Variants in TUSC3 observed in about 807,000 individuals in gnomAD.
TUSC3 encodes the protein tumor suppressor candidate 3.
A neutral mutation model predicts 44.8 loss-of-function variants in TUSC3; 45 were observed. The observed-to-expected ratio is 1.00, with a 90% CI of 0.79 to 1.29. The LOEUF is 1.29. Among genes scored for constraint, TUSC3 ranks in the 50% most tolerant of loss-of-function variants. The probability of loss-of-function intolerance (pLI) is 0.00; values close to 1 mark genes in which losing one functional copy is unlikely to be tolerated. For missense variants in TUSC3, 519 were observed against 437.9 expected (o/e 1.19, Z -1.65); for synonymous variants, 212 against 152.9 (o/e 1.39, Z -2.85).
intron 5 of TUSC3, 26 bp from the exon 6 acceptor site, chr8:15,673,721 T>A: frequency 6.4e-7 from 1 of 1,565,740 alleles, no homozygotes. Context: ...GGTTTACATA[T>A]TGAAACACTG....
intron 1 of TUSC3, among the ~76,000 whole-genome samples, chr8:15,483,072 C>T (rs1246747945): frequency 6.6e-6 from 1 of 152,072 alleles, no homozygotes; most frequent in Non-Finnish European, 1.5e-5. Flanking sequence ...AAATATTCCT[C>T]TATTCATACA....
At chr8:15,814,285 A>G in the TUSC3 span, among the ~76,000 whole-genome samples, 2 of 152,150 alleles carry the variant, frequency 1.3e-5, no homozygotes, top group Admixed American at 6.5e-5. Flanking sequence ...AACAGTAACA[A>G]TATCTTTTTT....
chr8:15,746,791 G>A (rs982939105), intron 8 of TUSC3, among the ~76,000 whole-genome samples: 9 of 152,088 alleles, frequency 5.9e-5, no homozygotes, highest in African/African-American at 1.9e-4. Context: ...TAGATAAAAT[G>A]ACAGATTTGG....
At chr8:15,468,044 G>A (rs1030165489) in intron 1 of TUSC3, among the ~76,000 whole-genome samples, 20 of 152,168 alleles carry the variant, frequency 1.3e-4, no homozygotes, top group African/African-American at 4.8e-4. Flanking sequence ...ATACTGATTA[G>A]TAATTAAAAA....
intron 6 of TUSC3, among the ~76,000 whole-genome samples, chr8:15,710,634 T>C (rs1240067791): frequency 7.2e-5 from 11 of 151,776 alleles, no homozygotes; most frequent in Admixed American, 5.9e-4. Flanking sequence ...AGGCTACTTA[T>C]TAAAATGCAG....
rs564454826 is a variant in TUSC3, at chr8:15,645,691, A to T, written c.309-5006A>T. Among the ~76,000 whole-genome samples the T allele has an allele frequency of 6.6e-5, 10 of 152,234 alleles. No homozygotes were observed. The South Asian group carries it at 2.1e-3, about 32-fold the overall frequency. ...ATTCAACATTTGTTATGAAATTGTC[A>T]TTACTAATAGGATATCACATGATGA... is the stretch of plus-strand genomic sequence containing the variant. On this transcript the variant is annotated intron_variant, in intron 2 of 10. Transcript: ENST00000503731.
chr8:15,512,644 A>C (rs906234652), intron 2 of TUSC3, among the ~76,000 whole-genome samples: 3 of 151,814 alleles, frequency 2.0e-5, no homozygotes, highest in Non-Finnish European at 4.4e-5. Context: ...ATGGTGGTAC[A>C]CACCTATAAT....
At chr8:15,485,238 G>C (rs530820371) in intron 2 of TUSC3, among the ~76,000 whole-genome samples, 101 of 152,176 alleles carry the variant, frequency 6.6e-4, no homozygotes, top group Middle Eastern at 6.8e-3. Context: ...TTCAGACATC[G>C]GCAGTGCAGC....
rs2129225806 is a variant in TUSC3 at position 15,764,292 on chromosome 8, T to C, written c.*136T>C. ...GTTCCTGACTTTATACTATTTTGAATTCATTCATTTCATTGTGATCAGCTA... is the reference window on the plus strand; with the variant it reads ...GTTCCTGACTTTATACTATTTTGAACTCATTCATTTCATTGTGATCAGCTA... On this transcript the variant is annotated 3_prime_UTR_variant, in exon 11 of 11. Coordinates refer to ENST00000503731, the MANE Select transcript of TUSC3 (RefSeq NM_006765.4). 6.8e-7 allele frequency: 1 copy of C among 1,461,158 alleles called. No individual in the cohort carries two copies. The highest frequency in any genetic ancestry group is 9.5e-7 in the Non-Finnish European group (1 of 1,049,262). The allele number at this position is 1,461,158 out of a possible 1,614,324, so 90.5% of individuals were successfully genotyped here.
At chr8:15,668,696 G>T (rs909572676) in intron 5 of TUSC3, among the ~76,000 whole-genome samples, 3 of 151,726 alleles carry the variant, frequency 2.0e-5, no homozygotes, top group Admixed American at 6.6e-5. Context: ...GACTAGCTTT[G>T]AGGGTGTTCT....
chr8:15,805,140 A>G, the TUSC3 span, among the ~76,000 whole-genome samples: 6 of 152,076 alleles, frequency 3.9e-5, no homozygotes, highest in Non-Finnish European at 1.5e-5. Context: ...CTTGAACGTT[A>G]TTGGTGTATG....
intron 1 of TUSC3, among the ~76,000 whole-genome samples, chr8:15,428,884 GA>G (rs1048056163): frequency 6.6e-6 from 1 of 152,226 alleles, no homozygotes; most frequent in East Asian, 1.9e-4. Context: ...TTTGTCAGAT[GA>G]GTAGGTTGCA....
intron 1 of TUSC3, among the ~76,000 whole-genome samples, chr8:15,442,519 T>C (rs931859604): frequency 1.3e-5 from 2 of 152,134 alleles, no homozygotes; most frequent in African/African-American, 2.4e-5. Context: ...CAGTGGATTG[T>C]TTACTTTCTT....
chr8:15,680,406 C>T (rs545830046), intron 6 of TUSC3, among the ~76,000 whole-genome samples: 13 of 151,886 alleles, frequency 8.6e-5, no homozygotes, highest in African/African-American at 2.7e-4. Flanking sequence ...TTGACTTGAA[C>T]GTTATTGGTG....
At chr8:15,776,812 A>G in the TUSC3 span, among the ~76,000 whole-genome samples, 1 of 152,274 alleles carries the variant, frequency 6.6e-6, no homozygotes, top group South Asian at 2.1e-4. Flanking sequence ...GTCTTCCAGA[A>G]CGATTCTATA....
At chr8:15,735,299 G>A (rs758680772) in intron 7 of TUSC3, among the ~76,000 whole-genome samples, 5 of 152,038 alleles carry the variant, frequency 3.3e-5, no homozygotes, top group African/African-American at 9.7e-5. Flanking sequence ...AAACAAAATT[G>A]ATAATAAATG....
intron 6 of TUSC3, among the ~76,000 whole-genome samples, chr8:15,685,430 G>A (rs1808589480): frequency 6.6e-6 from 1 of 151,964 alleles, no homozygotes; most frequent in Non-Finnish European, 1.5e-5. Flanking sequence ...TGGTTTATTT[G>A]ATATTTTGGT....
intron 2 of TUSC3, among the ~76,000 whole-genome samples, chr8:15,631,283 A>C (rs535753836): frequency 1.8e-4 from 27 of 152,232 alleles, no homozygotes; most frequent in Non-Finnish European, 4.0e-4. Context: ...TAGTGTGTTA[A>C]CTTTCTTCCT....
At chr8:15,781,688 G>C in the TUSC3 span, among the ~76,000 whole-genome samples, 1 of 152,162 alleles carries the variant, frequency 6.6e-6, no homozygotes, top group Non-Finnish European at 1.5e-5. Flanking sequence ...CCCAACACAA[G>C]ATAGCTTCAC....
Sources: gnomAD v4.1 joint callset for allele counts (sites outside exome capture counted in the v4.1 genomes callset) on GRCh38, gnomAD v4.1.1 for gene constraint, MANE v1.5 for transcripts, NCBI Gene and HGNC (gene_info 2026-07-23, HGNC 2026-07-21) for gene names.